The following ARHGEF18 variants were observed in gnomAD, a reference collection of about 807,000 sequenced individuals.
ARHGEF18 encodes Rho/Rac guanine nucleotide exchange factor 18.
ARHGEF18 carries 93 observed loss-of-function variants against 155.7 expected under a neutral mutation model. That is an observed-to-expected ratio of 0.60 (90% CI 0.50 to 0.71). The LOEUF is 0.71. Among genes scored for constraint, ARHGEF18 ranks in the 30% least tolerant of loss-of-function variants. ARHGEF18 has a pLI of 0.00. For synonymous variants in ARHGEF18, 742 were observed against 753.1 expected (o/e 0.99, Z 0.24); for missense variants, 1,593 against 1,816.1 (o/e 0.88, Z 2.23).
intron 10 of ARHGEF18, among the ~76,000 whole-genome samples, chr19:7,408,905 G>C (rs1052544609): frequency 6.6e-6 from 1 of 151,942 alleles, no homozygotes; most frequent in Non-Finnish European, 1.5e-5. Context: ...ACTTACACAC[G>C]CGTGGTGACT....
chr19:7,368,766 C>T (rs533532606), intron 2 of ARHGEF18, among the ~76,000 whole-genome samples: 1 of 152,200 alleles, frequency 6.6e-6, no homozygotes, highest in Admixed American at 6.5e-5. Flanking sequence ...TTTCCAGGCA[C>T]TGGGGGTAGG....
intron 10 of ARHGEF18, among the ~76,000 whole-genome samples, chr19:7,419,916 C>T (rs1165905778): frequency 1.3e-5 from 2 of 151,516 alleles, no homozygotes; most frequent in South Asian, 2.1e-4. Flanking sequence ...ACCCCAGATA[C>T]ACCCACACTC....
chr19:7,464,132 G>A (rs1976467415), intron 22 of ARHGEF18, among the ~76,000 whole-genome samples, 177 bp downstream of exon 22: 1 of 152,152 alleles, frequency 6.6e-6, no homozygotes, highest in Non-Finnish European at 1.5e-5. Flanking sequence ...CTGCCTCCTG[G>A]GTTCAAGTGA....
the ARHGEF18 span, among the ~76,000 whole-genome samples, chr19:7,479,346 T>C: frequency 1.3e-5 from 2 of 151,534 alleles, no homozygotes; most frequent in Non-Finnish European, 2.9e-5. Flanking sequence ...TAGCTGGGGG[T>C]GGTGGTGGGC....
chr19:7,377,480 G>C (rs533724013), intron 5 of ARHGEF18, among the ~76,000 whole-genome samples: 61 of 152,170 alleles, frequency 4.0e-4, no homozygotes, highest in African/African-American at 1.4e-3. Context: ...AAGTCTCTGA[G>C]CCTCTGTGGC....
chr19:7,374,167 A>C (rs185460769), intron 3 of ARHGEF18, among the ~76,000 whole-genome samples: 49 of 152,256 alleles, frequency 3.2e-4, no homozygotes, highest in Middle Eastern at 3.4e-3. Flanking sequence ...AGCTTCGCTC[A>C]CATGCCTGCG....
intron 18 of ARHGEF18, among the ~76,000 whole-genome samples, chr19:7,458,160 G>T (rs1975965170): frequency 6.6e-6 from 1 of 151,650 alleles, no homozygotes; most frequent in South Asian, 2.1e-4. Context: ...GGCGGCACGT[G>T]CCTATAATCC....
intron 10 of ARHGEF18, among the ~76,000 whole-genome samples, chr19:7,384,692 A>ATT (rs369171603): frequency 0.032 from 4,491 of 141,522 alleles, 227 homozygotes; most frequent in African/African-American, 0.099. Flanking sequence ...TTTTTGCAAA[A>ATT]TTTTTTTTTT....
intron 2 of ARHGEF18, among the ~76,000 whole-genome samples, chr19:7,364,163 C>T (rs1038930544): frequency 8.8e-5 from 12 of 136,538 alleles, no homozygotes; most frequent in African/African-American, 2.5e-4. Context: ...GGATGGATAA[C>T]GGATGGGTGA....
chr19:7,475,530 A>ACACACACACACACACAAC (rs1339487078), downstream of ARHGEF18, among the ~76,000 whole-genome samples: 6 of 150,746 alleles, frequency 4.0e-5, no homozygotes, highest in African/African-American at 1.5e-4. Context: ...GTTTAAACAC[A>ACACACACACACACACAAC]CACACACACA....
At chr19:7,453,839 G>A in intron 17 of ARHGEF18, 124 bp downstream of exon 17, 1 of 1,281,142 alleles carries the variant, frequency 7.8e-7, no homozygotes, top group East Asian at 2.6e-5. Flanking sequence ...CCATCTTGGA[G>A]AGGTGGTCAC....
chr19:7,373,854 T>TTTA (rs888186810), intron 3 of ARHGEF18, among the ~76,000 whole-genome samples: 3 of 149,582 alleles, frequency 2.0e-5, no homozygotes, highest in African/African-American at 7.5e-5. Context: ...TGAGAATTTT[T>TTTA]TTTTTTTTTT....
intron 1 of ARHGEF18, among the ~76,000 whole-genome samples, chr19:7,352,277 C>T (rs1301293500): frequency 6.6e-6 from 1 of 151,734 alleles, no homozygotes; most frequent in Admixed American, 6.6e-5. Flanking sequence ...GGATTTTGCT[C>T]TCGGTGAGGG....
At chr19:7,376,178 G>A in intron 4 of ARHGEF18, among the ~76,000 whole-genome samples, 1 of 152,192 alleles carries the variant, frequency 6.6e-6, no homozygotes, top group East Asian at 1.9e-4. Flanking sequence ...AGGCTTGGAG[G>A]ATCTTTGCCT....
intron 26 of ARHGEF18, 75 bp from the exon 27 acceptor site, chr19:7,468,750 C>T: frequency 1.4e-6 from 2 of 1,426,914 alleles, no homozygotes; most frequent in East Asian, 2.5e-5. Context: ...GTCTCCTGTG[C>T]ACGACCCTCG....
chr19:7,382,871 C>T lies in ARHGEF18; in HGVS notation c.802C>T (p.Arg268Ter), dbSNP rs1442031447. 5 of 1,232,434 alleles carry T rather than the reference C, an allele frequency of 4.1e-6. No homozygotes were observed. Among genetic ancestry groups the T allele is most frequent in the Non-Finnish European group, 5.1e-6 (5 of 988,132 alleles). 76.3% of individuals were successfully genotyped at this position (1,232,434 alleles called of 1,614,324 possible). A position where few individuals can be genotyped will look rare whatever the true frequency, so the allele number is the denominator to read the frequency against. ...GCGCAGGCTGAGCTGCCTCCGCAGT[C>T]GAGTGACCAGGCAGAAGGAGAAGGT... is the stretch of plus-strand genomic sequence containing the variant. The part of the protein sequence containing the change: ...VKRRLSCLRS[R>*]VTRQKEKGKS... Residue 268 changes from arginine to a stop codon, truncating the protein, a stop_gained, in exon 9 of 29, where the codon CGA becomes TGA. Transcript: ENST00000668164. LOFTEE classifies it high-confidence loss of function.
rs1198996395 is a variant in ARHGEF18, at chr19:7,362,008, A to G, written c.-110-773A>G. Among the ~76,000 whole-genome samples the G allele has an allele frequency of 3.9e-4, 20 of 51,366 alleles. 1 individual carries two copies. Among genetic ancestry groups the G allele is most frequent in the African/African-American group, 1.9e-3 (17 of 8,976 alleles). 33.7% of individuals were successfully genotyped at this position (51,366 alleles called of 152,430 possible). On this transcript the variant is annotated intron_variant, in intron 1 of 28. Coordinates refer to ENST00000668164, the MANE Select transcript of ARHGEF18 (RefSeq NM_001367823.1). Reference sequence around the variant, plus strand: ...GACTCTGTGGAAGAAGAAGAAGAAGAAGAAGAAGGAGAAGGAGAAGGAGAA... The same window carrying G: ...GACTCTGTGGAAGAAGAAGAAGAAGGAGAAGAAGGAGAAGGAGAAGGAGAA...
chr19:7,390,857 T>G (rs1464303828), intron 10 of ARHGEF18: 2 of 152,048 alleles, frequency 1.3e-5, no homozygotes, highest in Admixed American at 1.3e-4. Flanking sequence ...CTGGCCAACA[T>G]GGTGAAACAC....
intron 16 of ARHGEF18, among the ~76,000 whole-genome samples, chr19:7,451,647 T>A (rs1370432528): frequency 6.6e-6 from 1 of 151,990 alleles, no homozygotes; most frequent in Admixed American, 6.6e-5. Context: ...ACTCCTGGGT[T>A]CAAGTGATCC....
Sources: gnomAD v4.1 joint callset for allele counts (sites outside exome capture counted in the v4.1 genomes callset) on GRCh38, gnomAD v4.1.1 for gene constraint, MANE v1.5 for transcripts, NCBI Gene and HGNC (gene_info 2026-07-23, HGNC 2026-07-21) for gene names.